The following LRP1B variants were observed in gnomAD, a reference collection of about 807,000 sequenced individuals.
LRP1B encodes LDL receptor related protein 1B, also known as low-density lipoprotein receptor-related protein 1B.
In LRP1B, 217 loss-of-function variants were observed where a neutral mutation model predicts 556.6. The ratio of observed to expected loss-of-function variants is 0.39; its 90% CI spans 0.35 to 0.44. LRP1B has a LOEUF of 0.44. LRP1B is among the 20% of genes least tolerant of loss of function. The pLI, the probability that LRP1B is intolerant of heterozygous loss-of-function variation, is 1.00. For synonymous variants in LRP1B, 2,047 were observed against 1,865.8 expected, an observed-to-expected ratio of 1.10 and a Z score of -2.50; for missense variants, 5,053 against 5,620.8, an observed-to-expected ratio of 0.90 and a Z score of 3.23.
chr2:141,417,121 AG>A (rs1466371639), intron 3 of LRP1B, among the ~76,000 whole-genome samples: 3 of 152,210 alleles, frequency 2.0e-5, no homozygotes, highest in African/African-American at 7.2e-5. Context: ...ATTAAACGTA[AG>A]GAGAAATTCA....
intron 66 of LRP1B, among the ~76,000 whole-genome samples, chr2:140,397,210 C>A (rs1192164469): frequency 6.6e-6 from 1 of 152,022 alleles, no homozygotes; most frequent in African/African-American, 2.4e-5. Flanking sequence ...TTCTGGGGTA[C>A]ACGTGCAGGA....
intron 1 of LRP1B, among the ~76,000 whole-genome samples, chr2:141,940,476 A>G (rs1700764276): frequency 6.6e-6 from 1 of 152,206 alleles, no homozygotes; most frequent in African/African-American, 2.4e-5. Flanking sequence ...CTCTTCACAA[A>G]TTAGAGAAGG....
intron 2 of LRP1B, among the ~76,000 whole-genome samples, chr2:141,809,839 C>A (rs16847201): frequency 0.091 from 13,843 of 151,902 alleles, 675 homozygotes; most frequent in Non-Finnish European, 0.1. Flanking sequence ...TTGATTTCTT[C>A]AATATTCCTT....
At chr2:141,890,327 T>TATATATAC (rs1309948437) in intron 1 of LRP1B, among the ~76,000 whole-genome samples, 682 of 47,502 alleles carry the variant, frequency 0.014, 15 homozygotes, top group Middle Eastern at 0.085. Flanking sequence ...ACAATACATA[T>TATATATAC]ATATATATAT....
At chr2:140,384,818 T>C (rs935143195) in intron 67 of LRP1B, among the ~76,000 whole-genome samples, 4 of 152,176 alleles carry the variant, frequency 2.6e-5, no homozygotes, top group Non-Finnish European at 5.9e-5. Flanking sequence ...GAATAGTCAT[T>C]ATCGTTACTA....
At chr2:141,293,807 T>A (rs1686075777) in intron 3 of LRP1B, among the ~76,000 whole-genome samples, 1 of 152,128 alleles carries the variant, frequency 6.6e-6, no homozygotes, top group African/African-American at 2.4e-5. Context: ...TGAAAATAAA[T>A]ATAAAATATG....
chr2:140,372,943 G>T (rs1558836795), intron 69 of LRP1B, 65 bp downstream of exon 69: 1 of 1,562,650 alleles, frequency 6.4e-7, no homozygotes, highest in Non-Finnish European at 8.8e-7. Flanking sequence ...GCATATTGCT[G>T]CTTAAATTTA....
intron 43 of LRP1B, among the ~76,000 whole-genome samples, chr2:140,593,907 T>A (rs1682327453): frequency 6.6e-6 from 1 of 152,116 alleles, no homozygotes; most frequent in African/African-American, 2.4e-5. Flanking sequence ...TAAATATGAG[T>A]TGTAAGTGTG....
At chr2:141,183,784 T>C (rs1483178255) in intron 7 of LRP1B, among the ~76,000 whole-genome samples, 1 of 152,088 alleles carries the variant, frequency 6.6e-6, no homozygotes, top group Non-Finnish European at 1.5e-5. Context: ...CTTTTGAACC[T>C]GGGTTTTATC....
At chr2:141,801,797 A>G (rs114955246) in intron 2 of LRP1B, among the ~76,000 whole-genome samples, 1 of 152,224 alleles carries the variant, frequency 6.6e-6, no homozygotes, top group African/African-American at 2.4e-5. Flanking sequence ...GTACTCTAGA[A>G]TTTAGTAATA....
intron 2 of LRP1B, among the ~76,000 whole-genome samples, chr2:141,624,889 C>T (rs1688648893): frequency 6.6e-6 from 1 of 152,158 alleles, no homozygotes; most frequent in African/African-American, 2.4e-5. Flanking sequence ...CCTGCCTCAG[C>T]CTCCCAAGTA....
intron 22 of LRP1B, among the ~76,000 whole-genome samples, chr2:140,907,497 A>G (rs1295333587): frequency 6.6e-6 from 1 of 152,106 alleles, no homozygotes; most frequent in Admixed American, 6.6e-5. Context: ...AGGCTTATCA[A>G]AATATATAGG....
chr2:140,833,798 A>G (rs116539873), intron 31 of LRP1B, among the ~76,000 whole-genome samples: 315 of 152,300 alleles, frequency 2.1e-3, no homozygotes, highest in African/African-American at 7.2e-3. Context: ...ATGTTAGTGT[A>G]CAAATTTTTT....
In LRP1B at chr2:140,541,006, C is replaced by G. The variant is rs1680112187; in HGVS notation, c.7480G>C (p.Asp2494His). The change falls in exon 45 of 91, where the codon GAC (aspartate) becomes CAC (histidine). Residue 2494 changes from aspartate to histidine, a missense_variant. Asp to His is a moderately conservative substitution (Grantham distance 81, BLOSUM62 -1). Coordinates refer to ENST00000389484, the MANE Select transcript of LRP1B (RefSeq NM_018557.3). ...CTGTTGTCCTCTAGCAATATTCGGT[C>G]CCCTCTGCAGGAACAATTCACTCTC... ...NGRVNCSCRG[D>H]RILLEDNRCV... is the part of the protein sequence containing the mutation. 1 of 1,611,330 alleles carries G rather than the reference C, an allele frequency of 6.2e-7. No homozygotes were observed.
chr2:141,426,590 T>C (rs897173366), intron 3 of LRP1B, among the ~76,000 whole-genome samples: 1 of 152,196 alleles, frequency 6.6e-6, no homozygotes, highest in Non-Finnish European at 1.5e-5. Context: ...AAATTCAGTT[T>C]AGAAATAATA....
intron 31 of LRP1B, among the ~76,000 whole-genome samples, chr2:140,815,005 C>G (rs1395016450): frequency 6.6e-6 from 1 of 152,034 alleles, no homozygotes; most frequent in Admixed American, 6.6e-5. Flanking sequence ...CTCTGTAGAA[C>G]CATGTTGACC....
chr2:141,514,303 G>T (rs1056602930), intron 2 of LRP1B, among the ~76,000 whole-genome samples: 3 of 152,244 alleles, frequency 2.0e-5, no homozygotes, highest in Middle Eastern at 3.4e-3. Context: ...CTTCAATAAA[G>T]GCTTAGCCCC....
intron 7 of LRP1B, among the ~76,000 whole-genome samples, chr2:141,160,636 G>A (rs1195454335): frequency 2.0e-5 from 3 of 150,580 alleles, no homozygotes; most frequent in African/African-American, 4.9e-5. Flanking sequence ...ATGCTGACTT[G>A]GAAAAAAAAA....
chr2:141,167,864 T>G (rs1425801842), intron 7 of LRP1B, among the ~76,000 whole-genome samples: 1 of 152,038 alleles, frequency 6.6e-6, no homozygotes, highest in Non-Finnish European at 1.5e-5. Context: ...GTGATTAATA[T>G]ATATTTACAA....
Sources: allele counts gnomAD v4.1 joint callset (sites outside exome capture counted in the v4.1 genomes callset), GRCh38; gene constraint gnomAD v4.1.1; transcripts MANE v1.5; gene names NCBI Gene and HGNC (gene_info 2026-07-23, HGNC 2026-07-21).